SCMH1: variants seen among roughly 807,000 people sequenced by gnomAD.
The protein encoded by SCMH1 is Scm polycomb group protein homolog 1.
A neutral mutation model predicts 70.8 loss-of-function variants in SCMH1; 37 were observed. The ratio of observed to expected loss-of-function variants is 0.52; its 90% CI spans 0.40 to 0.69. The LOEUF (loss-of-function observed/expected upper bound fraction) is 0.69. Among genes scored for constraint, SCMH1 ranks in the 30% least tolerant of loss-of-function variants. SCMH1 has a pLI of 0.00. For synonymous variants in SCMH1, 292 were observed against 307.4 expected (o/e 0.95, Z 0.52); for missense variants, 607 against 827.3 (o/e 0.73, Z 3.27).
chr1:41,158,598 AAGT>A (rs1455036389), intron 4 of SCMH1, among the ~76,000 whole-genome samples: 1 of 152,162 alleles, frequency 6.6e-6, no homozygotes, highest in Admixed American at 6.5e-5. Context: ...TTTACAGAAA[AAGT>A]AGTTTAGAAA....
chr1:41,216,107 G>A (rs181583752), intron 1 of SCMH1, among the ~76,000 whole-genome samples: 2 of 152,280 alleles, frequency 1.3e-5, no homozygotes, highest in Admixed American at 1.3e-4. Flanking sequence ...AATGAGCTCA[G>A]TAAAAGCAAG....
chr1:41,210,108 A>G (rs1469529300), intron 1 of SCMH1, among the ~76,000 whole-genome samples: 1 of 152,202 alleles, frequency 6.6e-6, no homozygotes, highest in Non-Finnish European at 1.5e-5. Context: ...CCCATTCACA[A>G]TTGCTACAAA....
intron 1 of SCMH1, among the ~76,000 whole-genome samples, chr1:41,208,761 C>G (rs1656255356): frequency 6.6e-6 from 1 of 152,050 alleles, no homozygotes; most frequent in African/African-American, 2.4e-5. Flanking sequence ...CACCAAATAC[C>G]CACAAGAGAA....
intron 6 of SCMH1, among the ~76,000 whole-genome samples, chr1:41,139,334 T>C (rs983229816): frequency 3.3e-5 from 5 of 152,204 alleles, no homozygotes; most frequent in Non-Finnish European, 4.4e-5. Context: ...CATAAATTCT[T>C]CGTTATGTAT....
At chr1:41,181,106 C>T (rs899769806) in intron 2 of SCMH1, among the ~76,000 whole-genome samples, 2 of 152,132 alleles carry the variant, frequency 1.3e-5, no homozygotes, top group African/African-American at 4.8e-5. Flanking sequence ...GAAACGATTC[C>T]CTATTTAATA....
chr1:41,227,845 G>A (rs779884653), intron 1 of SCMH1, among the ~76,000 whole-genome samples: 10 of 152,130 alleles, frequency 6.6e-5, no homozygotes, highest in Non-Finnish European at 1.2e-4. Flanking sequence ...AGGCATGGTG[G>A]TGTGCACCTG....
At chr1:41,078,829 A>T (rs1028433665) in intron 8 of SCMH1, among the ~76,000 whole-genome samples, 8 of 152,230 alleles carry the variant, frequency 5.3e-5, no homozygotes, top group Non-Finnish European at 1.2e-4. Context: ...GAAACATGAA[A>T]CTACAGGAAG....
At chr1:41,030,327 G>A (rs1644345043) in intron 13 of SCMH1, among the ~76,000 whole-genome samples, 1 of 152,122 alleles carries the variant, frequency 6.6e-6, no homozygotes, top group Non-Finnish European at 1.5e-5. Context: ...ACTCCTTCCT[G>A]TGCTTGCCAG....
intron 1 of SCMH1, among the ~76,000 whole-genome samples, chr1:41,208,696 A>G (rs992711016): frequency 2.6e-5 from 4 of 152,188 alleles, no homozygotes; most frequent in Admixed American, 2.0e-4. Context: ...CAAAGAAACA[A>G]CATACCAGAA....
chr1:41,111,316 G>C (rs1163373430), intron 8 of SCMH1, among the ~76,000 whole-genome samples: 2 of 152,078 alleles, frequency 1.3e-5, no homozygotes, highest in Non-Finnish European at 2.9e-5. Flanking sequence ...TTTGGCACCT[G>C]TCCACTTCTC....
intron 10 of SCMH1, among the ~76,000 whole-genome samples, chr1:41,068,051 T>C (rs1454034870): frequency 2.0e-5 from 3 of 152,118 alleles, no homozygotes; most frequent in Non-Finnish European, 4.4e-5. Context: ...CACGGGGAAG[T>C]AGAGTATAAG....
intron 9 of SCMH1, among the ~76,000 whole-genome samples, chr1:41,072,822 T>G (rs1478722916): frequency 1.3e-5 from 2 of 152,096 alleles, no homozygotes; most frequent in Non-Finnish European, 2.9e-5. Flanking sequence ...ACAATGATTG[T>G]GCCACTGCAC....
At chr1:41,198,685 T>C (rs1335720513) in intron 1 of SCMH1, among the ~76,000 whole-genome samples, 1 of 152,190 alleles carries the variant, frequency 6.6e-6, no homozygotes, top group Non-Finnish European at 1.5e-5. Flanking sequence ...ACAGTGACCA[T>C]TTCAAAGCCC....
chr1:41,175,575 A>C (rs1282138586), intron 2 of SCMH1, among the ~76,000 whole-genome samples: 2 of 152,214 alleles, frequency 1.3e-5, no homozygotes, highest in Non-Finnish European at 2.9e-5. Flanking sequence ...ACTAGGTCAG[A>C]GTGAGTATTT....
At chr1:41,236,557 A>T (rs1429274658) in intron 1 of SCMH1, among the ~76,000 whole-genome samples, 2 of 152,208 alleles carry the variant, frequency 1.3e-5, no homozygotes, top group African/African-American at 4.8e-5. Context: ...TGATTCTGGG[A>T]CAAAGATAAC....
intron 1 of SCMH1, among the ~76,000 whole-genome samples, chr1:41,221,346 A>G (rs1249320834): frequency 6.6e-6 from 1 of 152,126 alleles, no homozygotes; most frequent in Non-Finnish European, 1.5e-5. Context: ...TTGCATAACA[A>G]TGTGAATGTA....
chr1:41,138,263 C>T (rs1384745974), intron 6 of SCMH1, among the ~76,000 whole-genome samples: 1 of 151,986 alleles, frequency 6.6e-6, no homozygotes, highest in Non-Finnish European at 1.5e-5. Flanking sequence ...TAAAATATGT[C>T]TTAGAGTTGA....
rs1456236622 is a variant in SCMH1, at chr1:41,097,195, CTA to C, written c.745+16086_745+16087del. 3.9e-5 allele frequency among the ~76,000 whole-genome samples: 6 copies of C among 152,204 alleles called. No individual in the cohort carries two copies. In the East Asian group the frequency reaches 1.2e-3, roughly 29 times the overall value. On this transcript the variant is annotated intron_variant, in intron 8 of 14. Transcript: ENST00000337495. ...TTTTACTGGAAACTCATCTGGACAA[CTA>C]GTCTTCTTAATTTGCAACTCTGCTG...
chr1:41,208,411 A>G (rs2148776234), intron 1 of SCMH1, among the ~76,000 whole-genome samples: 2 of 134,280 alleles, frequency 1.5e-5, no homozygotes, highest in East Asian at 4.5e-4. Flanking sequence ...ATGTACCCTA[A>G]AACTTAGAGT....
Sources: allele counts gnomAD v4.1 joint callset (sites outside exome capture counted in the v4.1 genomes callset), GRCh38; gene constraint gnomAD v4.1.1; transcripts MANE v1.5; gene names NCBI Gene and HGNC (gene_info 2026-07-23, HGNC 2026-07-21).